Variants in RMDN2 observed in about 807,000 individuals in gnomAD.
RMDN2 encodes regulator of microtubule dynamics 2.
A neutral mutation model predicts 52.8 loss-of-function variants in RMDN2; 61 were observed. The ratio of observed to expected loss-of-function variants is 1.16; its 90% CI spans 0.94 to 1.43. The LOEUF (loss-of-function observed/expected upper bound fraction) is 1.43, where lower values mean the gene tolerates loss of function less well. RMDN2 is among the 40% of genes most tolerant of loss of function. The pLI is 0.00. For missense variants in RMDN2, 592 were observed against 475.3 expected (o/e 1.25, Z -2.28); for synonymous variants, 180 against 153.1 (o/e 1.18, Z -1.30).
chr2:37,986,554 A>C (rs570471461), intron 5 of RMDN2, among the ~76,000 whole-genome samples: 6 of 152,238 alleles, frequency 3.9e-5, no homozygotes, highest in Admixed American at 1.3e-4. Context: ...AGCAGATTGA[A>C]TCTGACAATG....
In RMDN2 at chr2:37,933,304, A is replaced by G. The variant is rs1331709500; in HGVS notation, c.452+3575A>G. 4.6e-5 allele frequency among the ~76,000 whole-genome samples: 7 copies of G among 151,838 alleles called. No individual in the cohort carries two copies. In the South Asian group the frequency reaches 1.5e-3, roughly 31 times the overall value. ...CTTTCCAGACTGGGCAGCCAGGCAGAGGGGCTCCTCACATCCCAGACGATG... is the reference window on the plus strand; with the variant it reads ...CTTTCCAGACTGGGCAGCCAGGCAGGGGGGCTCCTCACATCCCAGACGATG... On this transcript the variant is annotated intron_variant, in intron 2 of 10. Coordinates refer to ENST00000354545, the MANE Select transcript of RMDN2 (RefSeq NM_001170791.3).
chr2:38,003,901 T>C (rs1175916970), intron 8 of RMDN2, 90 bp from the exon 9 acceptor site: 4 of 1,028,012 alleles, frequency 3.9e-6, no homozygotes, highest in Non-Finnish European at 6.1e-6. Flanking sequence ...GTTCATAATA[T>C]TTGATTTATT....
chr2:38,039,087 CACACACAGAGAGAG>C (rs1398065661), intron 10 of RMDN2, among the ~76,000 whole-genome samples: 10 of 113,736 alleles, frequency 8.8e-5, no homozygotes, highest in East Asian at 3.7e-4. Flanking sequence ...CACACACACA[CACACACAGAGAGAG>C]AGATAAAATG....
chr2:37,949,207 A>G (rs752993432), intron 2 of RMDN2, among the ~76,000 whole-genome samples: 4 of 152,152 alleles, frequency 2.6e-5, no homozygotes, highest in Non-Finnish European at 4.4e-5. Context: ...TACATGAGCC[A>G]TACATGTAAG....
At chr2:37,972,502 A>T (rs1671938676) in intron 2 of RMDN2, among the ~76,000 whole-genome samples, 1 of 152,192 alleles carries the variant, frequency 6.6e-6, no homozygotes. Flanking sequence ...TATTGGCCAG[A>T]TTATGTTAGG....
intron 2 of RMDN2, among the ~76,000 whole-genome samples, chr2:37,972,594 A>G (rs1320383388): frequency 6.6e-6 from 1 of 152,180 alleles, no homozygotes; most frequent in African/African-American, 2.4e-5. Context: ...GAGTGACGTG[A>G]TCTGAGTTAT....
chr2:37,995,346 TACTACTACTACTACTACTAC>T (rs1675382816), intron 7 of RMDN2, among the ~76,000 whole-genome samples: 1 of 151,410 alleles, frequency 6.6e-6, no homozygotes, highest in African/African-American at 2.4e-5. Context: ...CTACTACTAC[TACTACTACTACTACTACTAC>T]ACACACACAC....
At position 37,963,017 on chromosome 2, in the gene RMDN2, A is replaced by G. The variant is rs191077060; in HGVS notation, c.453-11023A>G. ...TACCCCACCCTCTTTGGCTCGCCCT[A>G]TGTGGGCTGCACCCACTGTCTAACC... On this transcript the variant is annotated intron_variant, in intron 2 of 10. Coordinates refer to ENST00000354545, the MANE Select transcript of RMDN2 (RefSeq NM_001170791.3). 1,419 of 152,730 alleles carry G rather than the reference A, an allele frequency of 9.3e-3. 22 individuals are homozygous for G. The highest frequency in any genetic ancestry group is 0.032 in the African/African-American group (1,332 of 41,502). The allele number at this position is 152,730 out of a possible 1,614,324, so 9.5% of individuals were successfully genotyped here. A position where few individuals can be genotyped will look rare whatever the true frequency, so the allele number is the denominator to read the frequency against.
intron 2 of RMDN2, among the ~76,000 whole-genome samples, chr2:37,973,707 T>C (rs1015162880): frequency 2.0e-5 from 3 of 152,026 alleles, no homozygotes; most frequent in Non-Finnish European, 2.9e-5. Context: ...TATGTGGCTG[T>C]CTAAGGAAAC....
intron 10 of RMDN2, among the ~76,000 whole-genome samples, chr2:38,012,423 C>G (rs1267412701): frequency 4.6e-5 from 7 of 152,198 alleles, no homozygotes; most frequent in Non-Finnish European, 1.0e-4. Flanking sequence ...ATAATAAGCA[C>G]TCAGTAAGTG....
At chr2:37,935,999 A>G (rs976645714) in intron 2 of RMDN2, among the ~76,000 whole-genome samples, 3 of 152,102 alleles carry the variant, frequency 2.0e-5, no homozygotes, top group Non-Finnish European at 2.9e-5. Flanking sequence ...TGCTGCACCT[A>G]TCAACCCGTC....
In RMDN2 at chr2:37,958,546, A is replaced by T. The variant is rs540120121; in HGVS notation, c.453-15494A>T. Among the ~76,000 whole-genome samples, 16 of 151,038 alleles carry T rather than the reference A, an allele frequency of 1.1e-4. 3 individuals are homozygous for T. Among genetic ancestry groups the T allele is most frequent in the African/African-American group, 4.0e-4 (16 of 40,336 alleles). On this transcript the variant is annotated intron_variant, in intron 2 of 10. Transcript: ENST00000354545. The stretch of plus-strand genomic sequence containing the variant: ...CTTAAGGAGTTTTGGGGCTGAGATG[A>T]TAGGGTTTTCTAAATATACAATTAT...
At chr2:37,947,748 C>T (rs554588438) in intron 2 of RMDN2, among the ~76,000 whole-genome samples, 40 of 152,276 alleles carry the variant, frequency 2.6e-4, no homozygotes, top group African/African-American at 9.4e-4. Flanking sequence ...TAGCTGAATT[C>T]AGAGTACTTC....
At chr2:38,051,985 G>T (rs183250320) in intron 10 of RMDN2, among the ~76,000 whole-genome samples, 22 of 152,292 alleles carry the variant, frequency 1.4e-4, no homozygotes, top group Admixed American at 8.5e-4. Context: ...TAAACATGGT[G>T]CAGGTATCCC....
chr2:37,938,784 C>T (rs1412442308), intron 2 of RMDN2, among the ~76,000 whole-genome samples: 1 of 152,020 alleles, frequency 6.6e-6, no homozygotes, highest in South Asian at 2.1e-4. Context: ...TGAGTCTTCT[C>T]TCCTTTCTTC....
intron 10 of RMDN2, among the ~76,000 whole-genome samples, chr2:38,063,313 A>C (rs886935777): frequency 1.3e-5 from 2 of 152,142 alleles, no homozygotes; most frequent in Admixed American, 6.5e-5. Context: ...CGCCATTCTA[A>C]CTGGTGTGAG....
At chr2:38,012,405 C>G (rs894821841) in intron 10 of RMDN2, among the ~76,000 whole-genome samples, 1 of 152,136 alleles carries the variant, frequency 6.6e-6, no homozygotes, top group Non-Finnish European at 1.5e-5. Context: ...TGTGTAACTG[C>G]CTAGCATATA....
At chr2:38,003,842 C>A (rs1394064254) in intron 8 of RMDN2, 149 bp from the exon 9 acceptor site, 2 of 655,064 alleles carry the variant, frequency 3.1e-6, no homozygotes, top group Admixed American at 2.4e-5. Context: ...TTAAACTGAT[C>A]AAGTGATTCA....
chr2:37,928,025 C>T (rs1233837583), intron 1 of RMDN2, among the ~76,000 whole-genome samples: 6 of 152,076 alleles, frequency 3.9e-5, no homozygotes, highest in Non-Finnish European at 5.9e-5. Flanking sequence ...AGATTAAGTA[C>T]CAAGGCTTTC....
Sources: allele counts gnomAD v4.1 joint callset (sites outside exome capture counted in the v4.1 genomes callset), GRCh38; gene constraint gnomAD v4.1.1; transcripts MANE v1.5; gene names NCBI Gene and HGNC (gene_info 2026-07-23, HGNC 2026-07-21).